The following ERCC3 variants were observed in gnomAD, a reference collection of about 807,000 sequenced individuals.
The protein encoded by ERCC3 is ERCC excision repair 3, TFIIH core complex helicase subunit, also known as general transcription and DNA repair factor IIH helicase/translocase subunit XPB.
ERCC3 carries 66 observed loss-of-function variants against 94.2 expected under a neutral mutation model. The observed-to-expected ratio is 0.70, with a 90% CI of 0.57 to 0.86. The LOEUF is 0.86. Among genes scored for constraint, ERCC3 ranks in the 40% least tolerant of loss-of-function variants. The pLI is 0.00. For missense variants in ERCC3, 829 were observed against 987.1 expected, an observed-to-expected ratio of 0.84 and a Z score of 2.15; for synonymous variants, 349 against 369.1, an observed-to-expected ratio of 0.95 and a Z score of 0.63.
In ERCC3 at chr2:127,259,506, C is replaced by G; in HGVS notation, c.2065-58G>C. ...TCTGCTCTCTCTCCCCAGCCCTCCT[C>G]TGCCTTCTCCTGGGTCCACCTGCTT... On this transcript the variant is annotated intron_variant, in intron 13 of 14. Coordinates refer to ENST00000285398, the MANE Select transcript of ERCC3 (RefSeq NM_000122.2). This position sits in a 1 kb window ranked among gnomAD's most constrained non-coding sequence, Gnocchi z 4.9. 1 of 1,608,688 alleles carries G rather than the reference C, an allele frequency of 6.2e-7. No homozygotes were observed.
intron 8 of ERCC3, among the ~76,000 whole-genome samples, chr2:127,282,820 T>C (rs1451587135): frequency 1.3e-5 from 2 of 152,086 alleles, no homozygotes; most frequent in Non-Finnish European, 2.9e-5. Flanking sequence ...CTCACAGACA[T>C]ATGTGAGTGT....
chr2:127,282,254 T>G (rs982710606), intron 8 of ERCC3, among the ~76,000 whole-genome samples: 1 of 152,216 alleles, frequency 6.6e-6, no homozygotes, highest in Admixed American at 6.5e-5. Flanking sequence ...TTCTGAACTT[T>G]GCATGAATGA....
At chr2:127,293,233 T>C (rs1420982099) in intron 2 of ERCC3, among the ~76,000 whole-genome samples, 1 of 152,238 alleles carries the variant, frequency 6.6e-6, no homozygotes, top group Non-Finnish European at 1.5e-5. Context: ...AAATGCTATT[T>C]ATTCGGCAGA....
At chr2:127,260,328 C>G (rs1684152633) in intron 13 of ERCC3, 2 of 152,324 alleles carry the variant, frequency 1.3e-5, no homozygotes, top group Non-Finnish European at 2.9e-5. Flanking sequence ...TGACCTGGTG[C>G]TCCTCTTACC....
intron 7 of ERCC3, among the ~76,000 whole-genome samples, chr2:127,288,366 C>T (rs1399858418): frequency 6.6e-6 from 1 of 152,240 alleles, no homozygotes; most frequent in African/African-American, 2.4e-5. Flanking sequence ...TCTTCGCTGA[C>T]TCTAGCACCA....
At chr2:127,290,470 T>C in intron 3 of ERCC3, 197 bp from the exon 4 acceptor site, 1 of 648,508 alleles carries the variant, frequency 1.5e-6, no homozygotes, top group South Asian at 1.8e-5. Flanking sequence ...GAACAAAATC[T>C]TCCTCTTGCC....
At position 127,290,369 on chromosome 2, in the gene ERCC3, G is replaced by C; in HGVS notation, c.472-96C>G. The C allele has an allele frequency of 4.6e-6, 5 of 1,083,328 alleles. No individual in the cohort carries two copies. In the South Asian group the frequency reaches 6.3e-5, roughly 14 times the overall value. The allele number at this position is 1,083,328 out of a possible 1,614,324, so 67.1% of individuals were successfully genotyped here. ...CTTACACCTACCAACCAAGTGAAAA[G>C]TTCATTTTACTTTAGGGAAACCCAA... On this transcript the variant is annotated intron_variant, in intron 3 of 14. Coordinates refer to ENST00000285398, the MANE Select transcript of ERCC3 (RefSeq NM_000122.2).
intron 2 of ERCC3, 22 bp downstream of exon 2, chr2:127,293,491 C>A: frequency 6.2e-7 from 1 of 1,611,308 alleles, no homozygotes; most frequent in Non-Finnish European, 8.5e-7. Flanking sequence ...CTGGGCCCTG[C>A]CCAAGCTAAG....
rs932742513 is a variant in ERCC3, at chr2:127,291,136, C to T, written c.472-863G>A. On this transcript the variant is annotated intron_variant, in intron 3 of 14. Transcript: ENST00000285398. This position sits in a 1 kb window ranked among gnomAD's most constrained non-coding sequence, Gnocchi z 4.9. Reference sequence around the variant, plus strand: ...CAGACTTTGAGGGGCTGCCTATCCCCGCTGTTGTCCCTGATCCACCACTAC... The same window carrying T: ...CAGACTTTGAGGGGCTGCCTATCCCTGCTGTTGTCCCTGATCCACCACTAC... Among the ~76,000 whole-genome samples the T allele has an allele frequency of 5.9e-5, 9 of 152,118 alleles. No homozygotes were observed. Among genetic ancestry groups the T allele is most frequent in the African/African-American group, 1.4e-4 (6 of 41,418 alleles).
Position 127,292,720 on chromosome 2 carries a change from A to G in ERCC3, c.361T>C (p.Tyr121His). Reference protein sequence around the residue: ...THVHEYKLTAYSLYAAVSVGL... With the variant: ...THVHEYKLTAHSLYAAVSVGL... ...ACGCTGACAGCTGCATACAAGGAGT[A>G]GGCAGTTAGTTTGTACTCATGCACA... The change falls in exon 3 of 15, where the codon TAC (tyrosine) becomes CAC (histidine). Residue 121 changes from tyrosine (Y) to histidine (H), a missense_variant. Transcript: ENST00000285398. 6.2e-7 allele frequency: 1 copy of G among 1,614,156 alleles called. No homozygotes were observed.
Position 127,285,677 on chromosome 2 carries a change from C to T in ERCC3, c.1342+1026G>A, listed in dbSNP as rs376211732. ...TGCACTCCAGCCTGGGCAACAAGAGCGAAACTGTCTCAAATAAAAAAAAAT... is the reference window on the plus strand; with the variant it reads ...TGCACTCCAGCCTGGGCAACAAGAGTGAAACTGTCTCAAATAAAAAAAAAT... On this transcript the variant is annotated intron_variant, in intron 8 of 14. Coordinates refer to ENST00000285398, the MANE Select transcript of ERCC3 (RefSeq NM_000122.2). 5.4e-4 allele frequency among the ~76,000 whole-genome samples: 81 copies of T among 150,120 alleles called. 1 individual carries two copies. The highest frequency in any genetic ancestry group is 1.8e-3 in the African/African-American group (73 of 40,778).
chr2:127,274,298 G>C lies in ERCC3; in HGVS notation c.1731-1337C>G, dbSNP rs1684662182. On this transcript the variant is annotated intron_variant, in intron 10 of 14. Coordinates refer to ENST00000285398, the MANE Select transcript of ERCC3 (RefSeq NM_000122.2). The surrounding 1 kb of genome is among the most constrained non-coding windows in gnomAD (Gnocchi z 4.0). ...CCACTTCACTCCAGCCTGGGCAACAGAGTGAGACTCCGTCTCAGAAAAAAA... is the reference window on the plus strand; with the variant it reads ...CCACTTCACTCCAGCCTGGGCAACACAGTGAGACTCCGTCTCAGAAAAAAA... Among the ~76,000 whole-genome samples the C allele has an allele frequency of 6.7e-6, 1 of 148,606 alleles. No individual in the cohort carries two copies. Among genetic ancestry groups the C allele is most frequent in the Non-Finnish European group, 1.5e-5 (1 of 67,526 alleles).
chr2:127,257,581 T>C lies in ERCC3; in HGVS notation c.*15A>G. ...TGCCAAGCGCCGGTCTTGAACGAAG[T>C]ACCCTGCCTAAGCATCATTTCCTAA... On this transcript the variant is annotated 3_prime_UTR_variant, in exon 15 of 15. Transcript: ENST00000285398. The surrounding 1 kb of genome is among the most constrained non-coding windows in gnomAD (Gnocchi z 5.4). 6.2e-7 allele frequency: 1 copy of C among 1,613,420 alleles called. No individual in the cohort carries two copies. The highest frequency in any genetic ancestry group is 2.2e-5 in the East Asian group (1 of 44,878).
chr2:127,268,324 T>G (rs1684446763), intron 12 of ERCC3, among the ~76,000 whole-genome samples: 1 of 152,110 alleles, frequency 6.6e-6, no homozygotes, highest in Non-Finnish European at 1.5e-5. Context: ...CGTGGTGAGA[T>G]GTCAGATCAC....
At position 127,293,627 on chromosome 2, in the gene ERCC3, C is replaced by T. The variant is rs377744427; in HGVS notation, c.120G>A (p.Ser40=). Residue 40 remains serine, a synonymous_variant, in exon 2 of 15, where the codon TCG becomes TCA. Coordinates refer to ENST00000285398, the MANE Select transcript of ERCC3 (RefSeq NM_000122.2). ...PGNDPQEAVP[S]AAGKQVDESG... is the part of the protein sequence containing the mutation. ...ACTCATCCACCTGCTTCCCCGCCGC[C>T]GAGGGAACCGCTTCCTGAGGGTCGT... is the stretch of plus-strand genomic sequence containing the variant. 1 of 1,614,180 alleles carries T rather than the reference C, an allele frequency of 6.2e-7. No individual in the cohort carries two copies. The highest frequency in any genetic ancestry group is 8.5e-7 in the Non-Finnish European group (1 of 1,180,024).
At chr2:127,270,917 G>A (rs1684527725) in intron 12 of ERCC3, among the ~76,000 whole-genome samples, 1 of 152,196 alleles carries the variant, frequency 6.6e-6, no homozygotes, top group Non-Finnish European at 1.5e-5. Context: ...TGCCCATTGT[G>A]TGTCTGCCCA....
rs1684041360 is a variant in ERCC3, at chr2:127,257,349, TA to T, written c.*246del. 3.6e-6 allele frequency: 2 copies of T among 549,008 alleles called. No homozygotes were observed. Among genetic ancestry groups the T allele is most frequent in the Non-Finnish European group, 6.7e-6 (2 of 297,096 alleles). 34.0% of individuals were successfully genotyped at this position (549,008 alleles called of 1,614,324 possible). A position where few individuals can be genotyped will look rare whatever the true frequency, so the allele number is the denominator to read the frequency against. Reference sequence around the variant, plus strand: ...GGTAACATAAATACACCTTAAATATTAACATTTTTTATATACAGAAATGACC... The same window carrying T: ...GGTAACATAAATACACCTTAAATATTACATTTTTTATATACAGAAATGACC... On this transcript the variant is annotated 3_prime_UTR_variant, in exon 15 of 15. Transcript: ENST00000285398. The surrounding 1 kb of genome is among the most constrained non-coding windows in gnomAD (Gnocchi z 5.4).
intron 12 of ERCC3, chr2:127,261,861 C>A (rs886791895): frequency 1.0e-5 from 2 of 192,428 alleles, no homozygotes; most frequent in Admixed American, 5.4e-5. Context: ...AAAACTAGAA[C>A]CCGCATGCAT....
chr2:127,269,420 T>TA (rs1256969085), intron 12 of ERCC3, among the ~76,000 whole-genome samples: 1 of 144,174 alleles, frequency 6.9e-6, no homozygotes, highest in Non-Finnish European at 1.5e-5. Flanking sequence ...CTATTCACTT[T>TA]TTTTTTTTTT....
Sources: allele counts gnomAD v4.1 joint callset (sites outside exome capture counted in the v4.1 genomes callset), GRCh38; gene constraint gnomAD v4.1.1; non-coding constraint Gnocchi (gnomAD v3.1); transcripts MANE v1.5; gene names NCBI Gene and HGNC (gene_info 2026-07-23, HGNC 2026-07-21).